UNKL: variants seen among roughly 807,000 people sequenced by gnomAD.
UNKL encodes putative E3 ubiquitin-protein ligase UNKL.
UNKL carries 60 observed loss-of-function variants against 78.0 expected under a neutral mutation model. The observed-to-expected ratio is 0.77, with a 90% CI of 0.63 to 0.95. The LOEUF is 0.95. Among genes scored for constraint, UNKL ranks in the 40% least tolerant of loss-of-function variants. The pLI is 0.00. For synonymous variants in UNKL, 608 were observed against 474.8 expected (o/e 1.28, Z -3.65); for missense variants, 1,159 against 1,045.7 (o/e 1.11, Z -1.49).
At chr16:1,379,433 G>C in intron 10 of UNKL, 4 of 970,706 alleles carry the variant, frequency 4.1e-6, no homozygotes, top group Non-Finnish European at 4.9e-6. Context: ...GGCAGAGGCA[G>C]GTTCCGAGAA....
chr16:1,404,934 C>G (rs556162089), intron 2 of UNKL, among the ~76,000 whole-genome samples: 4 of 152,250 alleles, frequency 2.6e-5, no homozygotes, highest in Non-Finnish European at 5.9e-5. Context: ...TGGCTGACAT[C>G]TGTAATCCCA....
chr16:1,413,905 G>T lies in UNKL; in HGVS notation c.228C>A (p.Ser76Arg), dbSNP rs2038162668. Residue 76 changes from serine to arginine, a missense_variant, in exon 2 of 15, where the codon AGC (serine) becomes AGA (arginine). By Grantham distance (110) the Ser-to-Arg change is moderately radical. Coordinates refer to ENST00000389221, the MANE Select transcript of UNKL (RefSeq NM_001372107.1). ...TGTACTTGGAGCAGTACACGTCGGG[G>T]CTGTAGTTGAAGGTGCCGTCGCGCC... ...LRRRDGTFNY[S>R]PDVYCSKYNE... 1.3e-6 allele frequency: 2 copies of T among 1,558,984 alleles called. No homozygotes were observed. The highest frequency in any genetic ancestry group is 1.7e-6 in the Non-Finnish European group (2 of 1,151,608).
At chr16:1,370,809 C>A (rs558430142) in intron 11 of UNKL, among the ~76,000 whole-genome samples, 1 of 152,062 alleles carries the variant, frequency 6.6e-6, no homozygotes. Context: ...TGGGGCCGGG[C>A]GCACTGGCTC....
chr16:1,410,800 T>C lies in UNKL; in HGVS notation c.287+3046A>G, dbSNP rs190960071. ...ACATCAACTAGACAAATACCTGCCT[T>C]TGAAAGCCCCATTTGCGGAAAACAG... On this transcript the variant is annotated intron_variant, in intron 2 of 14. Coordinates refer to ENST00000389221, the MANE Select transcript of UNKL (RefSeq NM_001372107.1). Among the ~76,000 whole-genome samples the C allele has an allele frequency of 8.9e-4, 135 of 152,336 alleles. 1 individual carries two copies. The highest frequency in any genetic ancestry group is 1.5e-4 in the Non-Finnish European group (10 of 68,032).
Position 1,367,804 on chromosome 16 carries a change from G to T in UNKL, c.1640C>A (p.Pro547His). ...GGCACTCAGGATGGGGGAGGGGCTG[G>T]GGGAGAAGCTGCCGGAAACAAAGTC... ...IWDFVSGSFSPSPSPILSAGP... is the reference protein window; with the variant it reads ...IWDFVSGSFSHSPSPILSAGP... The change falls in exon 13 of 15, where the codon CCC becomes CAC. Residue 547 changes from proline to histidine, a missense_variant. Coordinates refer to ENST00000389221, the MANE Select transcript of UNKL (RefSeq NM_001372107.1). 6.3e-7 allele frequency: 1 copy of T among 1,576,150 alleles called. No individual in the cohort carries two copies. Among genetic ancestry groups the T allele is most frequent in the East Asian group, 2.3e-5 (1 of 42,920 alleles).
chr16:1,399,225 A>C lies in UNKL; in HGVS notation c.734+149T>G. 8.3e-6 allele frequency: 11 copies of C among 1,326,128 alleles called. No individual in the cohort carries two copies. The South Asian group carries it at 1.2e-4, about 15-fold the overall frequency. 82.1% of individuals were successfully genotyped at this position (1,326,128 alleles called of 1,614,324 possible). A position where few individuals can be genotyped will look rare whatever the true frequency, so the allele number is the denominator to read the frequency against. ...GGCCTCCATGGCACCTCCCACAGCC[A>C]CTGTGCTTGGAGATGCCCTCCCCTC... On this transcript the variant is annotated intron_variant, in intron 5 of 14. Coordinates refer to ENST00000389221, the MANE Select transcript of UNKL (RefSeq NM_001372107.1). The surrounding 1 kb of genome is among the most constrained non-coding windows in gnomAD (Gnocchi z 5.8).
rs1596708262 is a variant in UNKL at position 1,385,360 on chromosome 16, A to G, written c.1112T>C (p.Val371Ala). 1 of 1,410,288 alleles carries G rather than the reference A, an allele frequency of 7.1e-7. No individual in the cohort carries two copies. The highest frequency in any genetic ancestry group is 3.0e-5 in the East Asian group (1 of 33,282). The allele number at this position is 1,410,288 out of a possible 1,614,324, so 87.4% of individuals were successfully genotyped here. Reference sequence around the variant, plus strand: ...GCTCACGCTGGGGGCCGGCGGGTGGACCGCTGCAAACACGGCCAGGTGGTT... The same window carrying G: ...GCTCACGCTGGGGGCCGGCGGGTGGGCCGCTGCAAACACGGCCAGGTGGTT... ...KQNHLAVFAA[V>A]HPPAPSVSSS... The change falls in exon 10 of 15, where the codon GTC (valine) becomes GCC (alanine). Residue 371 changes from valine (V) to alanine (A), a missense_variant. Val to Ala is a moderately conservative substitution (Grantham distance 64, BLOSUM62 0). Coordinates refer to ENST00000389221, the MANE Select transcript of UNKL (RefSeq NM_001372107.1).
At chr16:1,393,742 G>C (rs1034344583) in intron 7 of UNKL, among the ~76,000 whole-genome samples, 22 of 152,286 alleles carry the variant, frequency 1.4e-4, no homozygotes, top group African/African-American at 4.6e-4. Flanking sequence ...TGGGTGCCTG[G>C]CAAGATGGCA....
Position 1,364,355 on chromosome 16 carries a change from A to T in UNKL, c.*1885T>A, listed in dbSNP as rs1219476729. The T allele has an allele frequency of 3.9e-5, 6 of 152,218 alleles. No individual in the cohort carries two copies. In the East Asian group the frequency reaches 1.2e-3, roughly 29 times the overall value. The allele number at this position is 152,218 out of a possible 1,614,324, so 9.4% of individuals were successfully genotyped here. On this transcript the variant is annotated 3_prime_UTR_variant, in exon 15 of 15. Transcript: ENST00000389221. ...ACATTCTAATTTGGTCACTGATGAT[A>T]AAGATTTTTACCTAGACGTTTTGCA...
In UNKL at chr16:1,385,190, G is replaced by A. The variant is rs1233286756; in HGVS notation, c.1264+18C>T. On this transcript the variant is annotated intron_variant, in intron 10 of 14. Transcript: ENST00000389221. ...ACAGAAGGAGGTCAGGGAGAAAGGA[G>A]GACGGTGCTGGACTTACCGAGGACG... 1.6e-6 allele frequency: 2 copies of A among 1,249,452 alleles called. No individual in the cohort carries two copies. The highest frequency in any genetic ancestry group is 2.0e-6 in the Non-Finnish European group (2 of 996,474). 77.4% of individuals were successfully genotyped at this position (1,249,452 alleles called of 1,614,324 possible).
chr16:1,366,494 C>G (rs1021900294), intron 14 of UNKL, 99 bp from the exon 15 acceptor site: 14 of 1,390,024 alleles, frequency 1.0e-5, no homozygotes, highest in Non-Finnish European at 1.3e-5. Context: ...GCATCTCAGG[C>G]CGCCCGGCCA....
intron 13 of UNKL, 137 bp downstream of exon 13, chr16:1,367,519 C>G (rs1214113752): frequency 1.4e-6 from 1 of 694,774 alleles, no homozygotes; most frequent in Admixed American, 3.3e-5. Flanking sequence ...CCTCCCCCTC[C>G]CGTCTCACCC....
intron 10 of UNKL, 35 bp downstream of exon 10, chr16:1,385,173 A>T (rs756892719): frequency 2.6e-5 from 32 of 1,235,960 alleles, no homozygotes; most frequent in Admixed American, 4.2e-5. Flanking sequence ...ACACAGAAGG[A>T]GGTCAGGGAG....
At chr16:1,369,718 C>G (rs893166424) in intron 12 of UNKL, among the ~76,000 whole-genome samples, 2 of 152,188 alleles carry the variant, frequency 1.3e-5, no homozygotes, top group Non-Finnish European at 2.9e-5. Flanking sequence ...CGGTGGCTCA[C>G]TGTCATCCCA....
chr16:1,372,211 C>G (rs2141985980), intron 10 of UNKL, among the ~76,000 whole-genome samples: 1 of 152,214 alleles, frequency 6.6e-6, no homozygotes, highest in South Asian at 2.1e-4. Context: ...TTGCAGTGAG[C>G]CGAGATCGTG....
In UNKL at chr16:1,387,332, A is replaced by C. The variant is rs1024050141; in HGVS notation, c.1087-1947T>G. The stretch of plus-strand genomic sequence containing the variant: ...CCTCATGTTCTCCAGCAAGCAGCCC[A>C]GAAACACTATGGGTGATTCGAGACC... On this transcript the variant is annotated intron_variant, in intron 9 of 14. Coordinates refer to ENST00000389221, the MANE Select transcript of UNKL (RefSeq NM_001372107.1). This position sits in a 1 kb window ranked among gnomAD's most constrained non-coding sequence, Gnocchi z 4.1. Among the ~76,000 whole-genome samples the C allele has an allele frequency of 6.6e-5, 10 of 152,206 alleles. No individual in the cohort carries two copies. The highest frequency in any genetic ancestry group is 1.0e-4 in the Non-Finnish European group (7 of 68,028).
intron 12 of UNKL, 105 bp downstream of exon 12, chr16:1,370,025 T>G (rs1033465526): frequency 2.6e-6 from 4 of 1,551,042 alleles, no homozygotes; most frequent in African/African-American, 2.7e-5. Context: ...CCACCACAGA[T>G]AGGGCACAAG....
intron 4 of UNKL, 160 bp downstream of exon 4, chr16:1,401,408 C>CTGT (rs1491437185): frequency 1.3e-5 from 12 of 941,366 alleles, no homozygotes; most frequent in Non-Finnish European, 1.7e-5. Flanking sequence ...CACCCACCCC[C>CTGT]TGTTGGGGAG....
intron 6 of UNKL, chr16:1,395,904 G>A (rs1596734688): frequency 2.5e-6 from 1 of 396,154 alleles, no homozygotes; most frequent in East Asian, 7.4e-5. Context: ...GGGAAGCAGC[G>A]CCTGGTCCTT....
Sources: gnomAD v4.1 joint callset for allele counts (sites outside exome capture counted in the v4.1 genomes callset) on GRCh38, gnomAD v4.1.1 for gene constraint, Gnocchi (gnomAD v3.1) non-coding constraint, MANE v1.5 for transcripts, NCBI Gene and HGNC (gene_info 2026-07-23, HGNC 2026-07-21) for gene names.